Variants in TRA2A observed in about 807,000 individuals in gnomAD.
TRA2A encodes the protein transformer-2 protein homolog alpha.
TRA2A carries 31 observed loss-of-function variants against 45.7 expected under a neutral mutation model. The observed-to-expected ratio is 0.68, with a 90% confidence interval of 0.51 to 0.92. The LOEUF (loss-of-function observed/expected upper bound fraction) is 0.92, where lower values mean the gene tolerates loss of function less well. TRA2A is among the 40% of genes least tolerant of loss of function. The pLI is 0.00. For synonymous variants in TRA2A, 132 were observed against 126.2 expected (o/e 1.05, Z -0.31); for missense variants, 304 against 367.5 (o/e 0.83, Z 1.41).
intron 2 of TRA2A, among the ~76,000 whole-genome samples, chr7:23,517,253 C>A (rs372143460): frequency 6.6e-6 from 1 of 151,536 alleles, no homozygotes; most frequent in Admixed American, 6.6e-5. Context: ...GAGGCCGAGG[C>A]GGGCGGATCA....
chr7:23,521,042 TG>T (rs1412848589), intron 2 of TRA2A, among the ~76,000 whole-genome samples: 1 of 152,198 alleles, frequency 6.6e-6, no homozygotes, highest in East Asian at 1.9e-4. Context: ...CATTTGACAG[TG>T]AACTTTGCAT....
intron 4 of TRA2A, among the ~76,000 whole-genome samples, chr7:23,510,562 A>G (rs994509655): frequency 6.6e-6 from 1 of 152,096 alleles, no homozygotes; most frequent in African/African-American, 2.4e-5. Flanking sequence ...TCCTGACCTC[A>G]GGTGATCTGC....
intron 1 of TRA2A, chr7:23,531,520 A>C (rs1790583085): frequency 1.8e-6 from 1 of 558,760 alleles, no homozygotes; most frequent in African/African-American, 1.9e-5. Flanking sequence ...GGTGGGGAGA[A>C]GGGAGGAAGC....
chr7:23,511,405 A>AAAAAG lies in TRA2A; in HGVS notation c.525+1488_525+1489insCTTTT, dbSNP rs1789609694. ...AAAAAAAAAAAAAAAAAAAAAAAAA[A>AAAAAG]AAAAAGAAAAGAAAAGAAAAGAAAA... On this transcript the variant is annotated intron_variant, in intron 4 of 7. Transcript: ENST00000297071. Among the ~76,000 whole-genome samples the AAAAAG allele has an allele frequency of 2.0e-4, 9 of 44,348 alleles. 1 individual carries two copies. The highest frequency in any genetic ancestry group is 3.7e-4 in the Non-Finnish European group (8 of 21,462). 29.1% of individuals were successfully genotyped at this position (44,348 alleles called of 152,430 possible).
chr7:23,530,156 CAAG>C (rs1790511350), intron 1 of TRA2A, among the ~76,000 whole-genome samples: 2 of 152,060 alleles, frequency 1.3e-5, no homozygotes, highest in African/African-American at 2.4e-5. Flanking sequence ...ATTTTCAAAA[CAAG>C]AAGCATTTTA....
intron 4 of TRA2A, among the ~76,000 whole-genome samples, chr7:23,509,571 A>C (rs1209856253): frequency 6.6e-6 from 1 of 151,508 alleles, no homozygotes; most frequent in Non-Finnish European, 1.5e-5. Flanking sequence ...CCCCATCTCT[A>C]CTAAAAATAC....
chr7:23,507,143 TGA>T, intron 5 of TRA2A: 1 of 371,476 alleles, frequency 2.7e-6, no homozygotes, highest in Middle Eastern at 7.6e-4. Flanking sequence ...TTTTCTTTTT[TGA>T]GAAAGAGTCT....
chr7:23,531,232 A>G (rs1425739839), intron 1 of TRA2A: 32 of 986,934 alleles, frequency 3.2e-5, no homozygotes, highest in Non-Finnish European at 3.9e-5. Context: ...GCCTTTTTAG[A>G]CGCAACGCCG....
intron 3 of TRA2A, among the ~76,000 whole-genome samples, chr7:23,515,695 G>A (rs1181818807): frequency 4.6e-5 from 7 of 151,912 alleles, no homozygotes; most frequent in Non-Finnish European, 1.0e-4. Context: ...ACAGGCGTAA[G>A]CCACCACGCC....
intron 4 of TRA2A, among the ~76,000 whole-genome samples, chr7:23,510,704 A>G (rs552307114): frequency 6.6e-6 from 1 of 152,230 alleles, no homozygotes; most frequent in Non-Finnish European, 1.5e-5. Flanking sequence ...ATTAAAAAAT[A>G]TTAATAATAA....
intron 1 of TRA2A, among the ~76,000 whole-genome samples, chr7:23,523,767 A>G (rs1294932950): frequency 6.6e-6 from 1 of 152,234 alleles, no homozygotes; most frequent in African/African-American, 2.4e-5. Flanking sequence ...TCATTCACTG[A>G]AACTATGAAA....
At chr7:23,519,639 G>A (rs1369384373) in intron 2 of TRA2A, among the ~76,000 whole-genome samples, 2 of 152,078 alleles carry the variant, frequency 1.3e-5, no homozygotes, top group African/African-American at 2.4e-5. Context: ...ACTGCTAACT[G>A]TCCTCAGTAA....
At chr7:23,517,797 A>G (rs1789954318) in intron 2 of TRA2A, among the ~76,000 whole-genome samples, 1 of 151,666 alleles carries the variant, frequency 6.6e-6, no homozygotes, top group Non-Finnish European at 1.5e-5. Flanking sequence ...CTGTCATCCC[A>G]GCTACTTGGG....
chr7:23,509,083 T>TA (rs1459769388), intron 4 of TRA2A, among the ~76,000 whole-genome samples: 4 of 152,182 alleles, frequency 2.6e-5, no homozygotes, highest in African/African-American at 9.6e-5. Flanking sequence ...TGGGCTCAAG[T>TA]AAATCCTCTT....
intron 2 of TRA2A, among the ~76,000 whole-genome samples, chr7:23,517,225 G>A (rs1584127101): frequency 6.6e-6 from 1 of 152,014 alleles, no homozygotes; most frequent in African/African-American, 2.4e-5. Context: ...GCTCATGCCT[G>A]TAATCCCAGC....
intron 1 of TRA2A, among the ~76,000 whole-genome samples, chr7:23,526,650 C>T (rs1232945766): frequency 6.6e-6 from 1 of 152,126 alleles, no homozygotes; most frequent in Non-Finnish European, 1.5e-5. Flanking sequence ...CTTACAGACC[C>T]CTATGAAGTT....
In TRA2A at chr7:23,513,096, A is replaced by T; in HGVS notation, c.337-14T>A. On this transcript the variant is annotated splice_polypyrimidine_tract_variant and intron_variant, in intron 3 of 7. Transcript: ENST00000297071. ...ATCTGGATTTGCCTATTGAATGGAA[A>T]TATTATTTAAAACTCCAAATTAAAA... 6.4e-7 allele frequency: 1 copy of T among 1,563,640 alleles called. No homozygotes were observed. The highest frequency in any genetic ancestry group is 8.7e-7 in the Non-Finnish European group (1 of 1,154,706).
chr7:23,513,030 GT>G lies in TRA2A; in HGVS notation c.388del (p.Thr130GlnfsTer16). 1 of 1,613,934 alleles carries G rather than the reference GT, an allele frequency of 6.2e-7. No homozygotes were observed. The highest frequency in any genetic ancestry group is 8.5e-7 in the Non-Finnish European group (1 of 1,179,896). Reference protein sequence around the residue: ...CLGVFGLSLYTTERDLREVFS... With the variant: ...CLGVFGLSLYXTERDLREVFS... ...TACTTCACGAAGATCCCTCTCTGTTGTGTACAAACTGAGGCCAAACACTCCA... is the reference window on the plus strand; with the variant it reads ...TACTTCACGAAGATCCCTCTCTGTTGGTACAAACTGAGGCCAAACACTCCA... On this transcript the variant is annotated frameshift_variant, in exon 4 of 8. Transcript: ENST00000297071. LOFTEE classifies it high-confidence loss of function.
At chr7:23,527,986 G>C (rs1790408109) in intron 1 of TRA2A, among the ~76,000 whole-genome samples, 1 of 152,072 alleles carries the variant, frequency 6.6e-6, no homozygotes, top group Non-Finnish European at 1.5e-5. Context: ...TCAGATAAAT[G>C]ATAGTACTTA....
Sources: gnomAD v4.1 joint callset for allele counts (sites outside exome capture counted in the v4.1 genomes callset) on GRCh38, gnomAD v4.1.1 for gene constraint, MANE v1.5 for transcripts, NCBI Gene and HGNC (gene_info 2026-07-23, HGNC 2026-07-21) for gene names.